The following GLIS3 variants were observed in gnomAD, a reference collection of about 807,000 sequenced individuals.
GLIS3 encodes the protein GLIS family zinc finger 3.
GLIS3 carries 53 observed loss-of-function variants against 78.6 expected under a neutral mutation model. The ratio of observed to expected loss-of-function variants is 0.67; its 90% CI spans 0.54 to 0.85. GLIS3 has a LOEUF of 0.85. Among genes scored for constraint, GLIS3 ranks in the 40% least tolerant of loss-of-function variants. The pLI, the probability that GLIS3 is intolerant of heterozygous loss-of-function variation, is 0.00. For synonymous variants in GLIS3, 684 were observed against 509.9 expected (o/e 1.34, Z -4.60); for missense variants, 1,703 against 1,231.1 (o/e 1.38, Z -5.74).
chr9:3,871,689 C>T (rs1310284002), intron 8 of GLIS3, among the ~76,000 whole-genome samples: 1 of 152,202 alleles, frequency 6.6e-6, no homozygotes, highest in South Asian at 2.1e-4. Flanking sequence ...AGGCTGCACA[C>T]AGCACAGGGA....
At chr9:4,049,686 G>T (rs987520011) in intron 4 of GLIS3, among the ~76,000 whole-genome samples, 1 of 152,038 alleles carries the variant, frequency 6.6e-6, no homozygotes, top group Non-Finnish European at 1.5e-5. Flanking sequence ...GAACATTTTT[G>T]CAATCTACCC....
At chr9:4,370,970 G>T in the GLIS3 span, among the ~76,000 whole-genome samples, 205 of 152,266 alleles carry the variant, frequency 1.3e-3, 4 homozygotes, top group East Asian at 0.039. Context: ...AAGGAAAATT[G>T]CAAAGATTAA....
intron 4 of GLIS3, among the ~76,000 whole-genome samples, chr9:4,024,035 C>CAAA (rs111949985): frequency 6.9e-6 from 1 of 143,946 alleles, no homozygotes; most frequent in African/African-American, 2.5e-5. Flanking sequence ...CAAAAAAAAA[C>CAAA]AAAAAAAAAA....
At chr9:4,236,293 T>A (rs1822747649) in intron 2 of GLIS3, among the ~76,000 whole-genome samples, 1 of 151,586 alleles carries the variant, frequency 6.6e-6, no homozygotes, top group African/African-American at 2.4e-5. Flanking sequence ...CTGAATGATC[T>A]CATGCCCTAA....
At chr9:4,281,572 A>C (rs1262743714) in intron 2 of GLIS3, among the ~76,000 whole-genome samples, 1 of 152,182 alleles carries the variant, frequency 6.6e-6, no homozygotes, top group Non-Finnish European at 1.5e-5. Context: ...ATTTAGCATA[A>C]TTTCCTCAAA....
intron 2 of GLIS3, among the ~76,000 whole-genome samples, chr9:4,337,115 AC>A (rs1420666393): frequency 6.6e-6 from 1 of 151,084 alleles, no homozygotes; most frequent in Non-Finnish European, 1.5e-5. Context: ...CTTCTAGTGC[AC>A]AAACAAATTG....
intron 4 of GLIS3, among the ~76,000 whole-genome samples, chr9:4,308,593 G>A (rs564956225): frequency 6.6e-6 from 1 of 152,072 alleles, no homozygotes; most frequent in African/African-American, 2.4e-5. Flanking sequence ...GTGGCTCTCA[G>A]TGCTGGGTTC....
At chr9:4,389,812 T>C in the GLIS3 span, among the ~76,000 whole-genome samples, 3 of 152,200 alleles carry the variant, frequency 2.0e-5, no homozygotes, top group African/African-American at 4.8e-5. Context: ...AATTCAACAA[T>C]AATTTGTTGA....
At chr9:4,391,385 T>C in the GLIS3 span, among the ~76,000 whole-genome samples, 1 of 152,232 alleles carries the variant, frequency 6.6e-6, no homozygotes, top group Non-Finnish European at 1.5e-5. Context: ...CTTATTGGTA[T>C]AGTTTTAACT....
chr9:3,919,676 A>G (rs1824745427), intron 6 of GLIS3, among the ~76,000 whole-genome samples: 1 of 151,686 alleles, frequency 6.6e-6, no homozygotes, highest in Non-Finnish European at 1.5e-5. Context: ...AATAAAAAAA[A>G]ATAATAAAAT....
intron 2 of GLIS3, among the ~76,000 whole-genome samples, chr9:4,141,665 G>A (rs1296090739): frequency 6.6e-6 from 1 of 152,186 alleles, no homozygotes; most frequent in Admixed American, 6.5e-5. Flanking sequence ...ACCATTTCTT[G>A]TATACATAAA....
intron 6 of GLIS3, among the ~76,000 whole-genome samples, chr9:3,931,465 T>C (rs1352540364): frequency 2.6e-5 from 4 of 152,092 alleles, no homozygotes; most frequent in African/African-American, 9.7e-5. Context: ...CTTAAATTTG[T>C]TATAAAGGGC....
chr9:4,271,196 C>T (rs940491040), intron 2 of GLIS3, among the ~76,000 whole-genome samples: 4 of 152,126 alleles, frequency 2.6e-5, no homozygotes, highest in Non-Finnish European at 5.9e-5. Context: ...CAGGAAGTAA[C>T]TTCTGTTTCT....
intron 2 of GLIS3, among the ~76,000 whole-genome samples, chr9:4,240,545 A>G (rs1823203181): frequency 6.6e-6 from 1 of 152,218 alleles, no homozygotes; most frequent in Non-Finnish European, 1.5e-5. Context: ...ATTATAAACA[A>G]GATTACAAGG....
At chr9:4,371,276 G>C in the GLIS3 span, among the ~76,000 whole-genome samples, 5 of 152,164 alleles carry the variant, frequency 3.3e-5, no homozygotes, top group African/African-American at 1.2e-4. Flanking sequence ...AGGCATTTAA[G>C]TAACCATAGT....
rs1295593491 is a variant in GLIS3 at position 3,829,292 on chromosome 9, C to T, written c.2656+18G>A. ...TGTCAGTTGACAGGATTTTCTAAGT[C>T]ACAGACAACCAACACACCTGTAATG... On this transcript the variant is annotated intron_variant, in intron 10 of 10. Coordinates refer to ENST00000381971, the MANE Select transcript of GLIS3 (RefSeq NM_001042413.2). 1.9e-6 allele frequency: 3 copies of T among 1,612,268 alleles called. No homozygotes were observed. Among genetic ancestry groups the T allele is most frequent in the Non-Finnish European group, 8.5e-7 (1 of 1,178,720 alleles).
chr9:4,370,918 C>T, the GLIS3 span, among the ~76,000 whole-genome samples: 2 of 151,904 alleles, frequency 1.3e-5, no homozygotes, highest in Non-Finnish European at 2.9e-5. Context: ...TATCATAACG[C>T]CTTCAAAATA....
At position 4,172,397 on chromosome 9, in the gene GLIS3, A is replaced by G. The variant is rs142895061; in HGVS notation, c.389-46456T>C. On this transcript the variant is annotated intron_variant, in intron 2 of 10. Coordinates refer to ENST00000381971, the MANE Select transcript of GLIS3 (RefSeq NM_001042413.2). Reference sequence around the variant, plus strand: ...CTCCATACTGAGTAAGACACATGCAAGCAGTTTCTCCTTGTTTTGTACAGT... The same window carrying G: ...CTCCATACTGAGTAAGACACATGCAGGCAGTTTCTCCTTGTTTTGTACAGT... Among the ~76,000 whole-genome samples the G allele has an allele frequency of 4.5e-3, 678 of 152,218 alleles. 6 individuals carry two copies. Among genetic ancestry groups the G allele is most frequent in the African/African-American group, 0.015 (639 of 41,544 alleles).
chr9:4,440,880 T>C, the GLIS3 span, among the ~76,000 whole-genome samples: 1 of 152,180 alleles, frequency 6.6e-6, no homozygotes, highest in Non-Finnish European at 1.5e-5. Context: ...TTCACTTCCT[T>C]GGTTAAATTT....
Sources: gnomAD v4.1 joint callset for allele counts (sites outside exome capture counted in the v4.1 genomes callset) on GRCh38, gnomAD v4.1.1 for gene constraint, MANE v1.5 for transcripts, NCBI Gene and HGNC (gene_info 2026-07-23, HGNC 2026-07-21) for gene names.